The following GCNT2 variants were observed in gnomAD, a reference collection of about 807,000 sequenced individuals.
GCNT2 encodes glucosaminyl (N-acetyl) transferase 2 (I blood group), also known as N-acetyllactosaminide beta-1,6-N-acetylglucosaminyl-transferase.
Under a neutral mutation model 34.2 loss-of-function variants are expected in GCNT2, and 34 were observed. The observed-to-expected ratio is 1.00, with a 90% confidence interval of 0.76 to 1.32. The LOEUF (loss-of-function observed/expected upper bound fraction) is 1.32, where lower values mean the gene tolerates loss of function less well. Ranked by LOEUF, GCNT2 falls within the 40% of genes most tolerant of loss-of-function variation. The pLI, the probability that GCNT2 is intolerant of heterozygous loss-of-function variation, is 0.00. For synonymous variants in GCNT2, 212 were observed against 188.0 expected, an observed-to-expected ratio of 1.13 and a Z score of -1.04; for missense variants, 584 against 489.4, an observed-to-expected ratio of 1.19 and a Z score of -1.82.
intron 4 of GCNT2, among the ~76,000 whole-genome samples, chr6:10,625,593 T>C (rs931219047): frequency 1.3e-5 from 2 of 152,054 alleles, no homozygotes; most frequent in African/African-American, 4.8e-5. Context: ...AGGTGCAAAG[T>C]AGGCACTTGG....
chr6:10,565,447 C>T (rs923907374), intron 3 of GCNT2, among the ~76,000 whole-genome samples: 1 of 152,198 alleles, frequency 6.6e-6, no homozygotes, highest in South Asian at 2.1e-4. Context: ...CAGGACACAA[C>T]CTCCTGAGCC....
chr6:10,563,780 ATATAT>A (rs1763154208), intron 3 of GCNT2, among the ~76,000 whole-genome samples: 2 of 49,650 alleles, frequency 4.0e-5, no homozygotes, highest in African/African-American at 2.3e-4. Context: ...AAAAAAAAAT[ATATAT>A]ATATATATAT....
intron 3 of GCNT2, among the ~76,000 whole-genome samples, chr6:10,541,456 T>C (rs1336863773): frequency 6.6e-6 from 1 of 152,204 alleles, no homozygotes; most frequent in African/African-American, 2.4e-5. Context: ...CTATTGTGAA[T>C]AGTGCTGCAG....
At chr6:10,593,514 T>G (rs1178973986) in intron 3 of GCNT2, among the ~76,000 whole-genome samples, 1 of 152,110 alleles carries the variant, frequency 6.6e-6, no homozygotes, top group Non-Finnish European at 1.5e-5. Context: ...ATTTTTAAAT[T>G]TTGTGTAGAG....
intron 3 of GCNT2, among the ~76,000 whole-genome samples, chr6:10,544,632 TATTAAA>T (rs1762184783): frequency 5.4e-5 from 8 of 148,732 alleles, no homozygotes; most frequent in African/African-American, 2.0e-4. Context: ...TAAAATAAAA[TATTAAA>T]TAAATAAATA....
rs1021405551 is a variant in GCNT2 at position 10,586,159 on chromosome 6, C to A, written c.926-35192C>A. 5 of 1,614,016 alleles carry A rather than the reference C, an allele frequency of 3.1e-6. No individual in the cohort carries two copies. In the African/African-American group the frequency reaches 5.3e-5, roughly 17 times the overall value. On this transcript the variant is annotated intron_variant, in intron 3 of 4. Transcript: ENST00000495262. Reference sequence around the variant, plus strand: ...TGTAATCACGCCTTAGAGAAAATGCCAGTCTTTTTGTGGGAAAATATATTA... The same window carrying A: ...TGTAATCACGCCTTAGAGAAAATGCAAGTCTTTTTGTGGGAAAATATATTA...
chr6:10,556,730 C>A, intron 3 of GCNT2: 1 of 1,614,186 alleles, frequency 6.2e-7, no homozygotes, highest in Non-Finnish European at 8.5e-7. Context: ...GGTCATCCAT[C>A]ATCACTTTGA....
chr6:10,585,204 C>T (rs550725936), intron 3 of GCNT2, among the ~76,000 whole-genome samples: 5 of 152,188 alleles, frequency 3.3e-5, no homozygotes, highest in African/African-American at 4.8e-5. Flanking sequence ...TTTGAAGAGA[C>T]AGGGTCTCAC....
rs1225152049 is a variant in GCNT2 at position 10,529,501 on chromosome 6, T to C, written c.590T>C (p.Leu197Pro). 5 of 1,613,896 alleles carry C rather than the reference T, an allele frequency of 3.1e-6. No homozygotes were observed. Among genetic ancestry groups the C allele is most frequent in the Non-Finnish European group, 4.2e-6 (5 of 1,179,984 alleles). ...VINTCGQDFP[L>P]KTNREIVQYL... is the part of the protein sequence containing the mutation. ...AACACCTGCGGGCAAGACTTTCCCCTGAAAACCAACAGGGAAATAGTTCAG... is the reference window on the plus strand; with the variant it reads ...AACACCTGCGGGCAAGACTTTCCCCCGAAAACCAACAGGGAAATAGTTCAG... The change falls in exon 3 of 5, where the codon CTG (leucine) becomes CCG (proline). Residue 197 changes from leucine to proline, a missense_variant. Coordinates refer to ENST00000495262, the MANE Select transcript of GCNT2 (RefSeq NM_145649.5).
chr6:10,591,272 G>A (rs903419859), intron 3 of GCNT2, among the ~76,000 whole-genome samples: 2 of 152,210 alleles, frequency 1.3e-5, no homozygotes, highest in Admixed American at 6.5e-5. Flanking sequence ...ATGTGGAAGG[G>A]TCGGGAGGGG....
intron 3 of GCNT2, chr6:10,556,557 C>T: frequency 6.2e-7 from 1 of 1,614,140 alleles, no homozygotes; most frequent in Non-Finnish European, 8.5e-7. Context: ...TTGAGGCTGA[C>T]TCAAGTTTGC....
intron 3 of GCNT2, among the ~76,000 whole-genome samples, chr6:10,553,700 C>T (rs1215616268): frequency 6.6e-6 from 1 of 152,144 alleles, no homozygotes; most frequent in Non-Finnish European, 1.5e-5. Flanking sequence ...TCAAGACCAG[C>T]TTGGCCAACG....
chr6:10,555,694 CT>C, intron 3 of GCNT2: 1 of 983,450 alleles, frequency 1.0e-6, no homozygotes, highest in Non-Finnish European at 1.2e-6. Flanking sequence ...TTCAGACCCC[CT>C]GGGACAGGAA....
chr6:10,567,843 G>A (rs377678214), intron 3 of GCNT2, among the ~76,000 whole-genome samples: 32 of 152,288 alleles, frequency 2.1e-4, no homozygotes, highest in Middle Eastern at 3.4e-3. Context: ...CTTTGCCCTC[G>A]AACTCTCAGC....
At position 10,552,449 on chromosome 6, in the gene GCNT2, C is replaced by T. The variant is rs867003469; in HGVS notation, c.925+22613C>T. On this transcript the variant is annotated intron_variant, in intron 3 of 4. Transcript: ENST00000495262. The stretch of plus-strand genomic sequence containing the variant: ...CTGAATCCTTGGATTCGACCTTGGG[C>T]GGGGGAAAAAGAGTGGTTGCTTCTG... Among the ~76,000 whole-genome samples, 8 of 151,578 alleles carry T rather than the reference C, an allele frequency of 5.3e-5. 1 individual carries two copies. Among genetic ancestry groups the T allele is most frequent in the Admixed American group, 2.6e-4 (4 of 15,246 alleles).
intron 3 of GCNT2, chr6:10,575,162 A>G (rs1056535074): frequency 9.5e-6 from 4 of 421,214 alleles, no homozygotes; most frequent in African/African-American, 4.1e-5. Context: ...GAACAACTCC[A>G]TGTTTTCTAA....
chr6:10,552,200 C>T (rs376660230), intron 3 of GCNT2, among the ~76,000 whole-genome samples: 14 of 152,102 alleles, frequency 9.2e-5, no homozygotes, highest in African/African-American at 2.2e-4. Flanking sequence ...TCCAACAAAT[C>T]CAGAGAATGT....
chr6:10,529,190 TGGGTTCC>T lies in GCNT2; in HGVS notation c.280_286del (p.Gly94LeufsTer2). The T allele has an allele frequency of 1.2e-6, 2 of 1,614,208 alleles. No individual in the cohort carries two copies. The highest frequency in any genetic ancestry group is 1.7e-6 in the Non-Finnish European group (2 of 1,180,026). On this transcript the variant is annotated frameshift_variant, in exon 3 of 5. Transcript: ENST00000495262. LOFTEE classifies it high-confidence loss of function. ...CAGAAACACTCTCTGAAGAAGAGGC[TGGGTTCC>T]CTTTAGCTTACACAGTGACCATCCA...
At chr6:10,608,304 C>T (rs532916414) in intron 3 of GCNT2, among the ~76,000 whole-genome samples, 5 of 152,060 alleles carry the variant, frequency 3.3e-5, no homozygotes, top group South Asian at 2.1e-4. Flanking sequence ...CTCAAACTCC[C>T]GACCTCAGGT....
Sources: allele counts gnomAD v4.1 joint callset (sites outside exome capture counted in the v4.1 genomes callset), GRCh38; gene constraint gnomAD v4.1.1; transcripts MANE v1.5; gene names NCBI Gene and HGNC (gene_info 2026-07-23, HGNC 2026-07-21).